The following DNAJB1 variants were observed in gnomAD, a reference collection of about 807,000 sequenced individuals.
The protein encoded by DNAJB1 is dnaJ homolog subfamily B member 1.
Under a neutral mutation model 24.0 loss-of-function variants are expected in DNAJB1, and 14 were observed. The ratio of observed to expected loss-of-function variants is 0.58; its 90% confidence interval spans 0.39 to 0.91. The LOEUF is 0.91. DNAJB1 is among the 40% of genes least tolerant of loss of function. The probability of loss-of-function intolerance (pLI) is 0.00; values close to 1 mark genes in which losing one functional copy is unlikely to be tolerated. For synonymous variants in DNAJB1, 262 were observed against 174.4 expected (o/e 1.50, Z -3.96); for missense variants, 517 against 458.1 (o/e 1.13, Z -1.17).
chr19:14,557,893 C>G (rs1337909661), intron 1 of DNAJB1, among the ~76,000 whole-genome samples: 1 of 151,976 alleles, frequency 6.6e-6, no homozygotes, highest in Non-Finnish European at 1.5e-5. Flanking sequence ...GTAGCTGGGA[C>G]TACAGGCACC....
At chr19:14,529,905 A>C (rs1173640063), upstream of DNAJB1, 4 of 766,506 alleles carry the variant, frequency 5.2e-6, no homozygotes, top group African/African-American at 3.5e-5. Context: ...GTATTTATAA[A>C]TCTGCAACCC....
At chr19:14,560,002 C>T (rs73521844) in intron 1 of DNAJB1, among the ~76,000 whole-genome samples, 1,581 of 152,180 alleles carry the variant, frequency 0.01, 35 homozygotes, top group African/African-American at 0.035. Context: ...GTAGGGGCCC[C>T]TAGGTGCTGC....
chr19:14,545,080 C>A (rs756290137), intron 1 of DNAJB1: 2 of 456,726 alleles, frequency 4.4e-6, no homozygotes, highest in South Asian at 3.1e-5. Context: ...TCTCTGAAGC[C>A]ACATTTGCTC....
chr19:14,517,951 G>T, intron 1 of DNAJB1, 188 bp downstream of exon 1: 1 of 541,346 alleles, frequency 1.8e-6, no homozygotes, highest in Non-Finnish European at 3.0e-6. Context: ...CGAGCGGCTG[G>T]GCCAAGGCTC....
chr19:14,537,016 G>A (rs547238394), intron 1 of DNAJB1, among the ~76,000 whole-genome samples: 1 of 143,744 alleles, frequency 7.0e-6, no homozygotes, highest in East Asian at 2.0e-4. Context: ...TGAGGACGGG[G>A]AGGGGTGTCG....
chr19:14,547,570 T>A (rs1654052911), intron 1 of DNAJB1, among the ~76,000 whole-genome samples: 1 of 152,030 alleles, frequency 6.6e-6, no homozygotes, highest in Admixed American at 6.6e-5. Flanking sequence ...CCATGTTAGC[T>A]AGGATGGTCT....
At chr19:14,557,121 ATTT>A (rs1185398352) in intron 1 of DNAJB1, among the ~76,000 whole-genome samples, 10 of 140,114 alleles carry the variant, frequency 7.1e-5, no homozygotes, top group African/African-American at 2.5e-4. Flanking sequence ...AATCTTATTT[ATTT>A]ATTTATTTAT....
intron 1 of DNAJB1, among the ~76,000 whole-genome samples, chr19:14,535,545 T>A (rs1292602167): frequency 1.9e-3 from 10 of 5,160 alleles, no homozygotes; most frequent in South Asian, 0.01. Flanking sequence ...AAAAAAAAAA[T>A]ATATATATAT....
chr19:14,542,337 A>C, intron 1 of DNAJB1, among the ~76,000 whole-genome samples: 1 of 101,716 alleles, frequency 9.8e-6, no homozygotes, highest in South Asian at 2.9e-4. Flanking sequence ...GGGGGCCCTC[A>C]TGCCATAGTG....
upstream of DNAJB1, among the ~76,000 whole-genome samples, chr19:14,550,349 C>G (rs150601058): frequency 1.2e-3 from 178 of 152,288 alleles, 4 homozygotes; most frequent in South Asian, 0.01. Flanking sequence ...AGTCTAGGCT[C>G]TTTGGCAAGC....
At chr19:14,541,614 AAGGTCG>A (rs1198620829) in intron 1 of DNAJB1, among the ~76,000 whole-genome samples, 1 of 152,106 alleles carries the variant, frequency 6.6e-6, no homozygotes, top group Non-Finnish European at 1.5e-5. Context: ...CCAAGGCCTG[AAGGTCG>A]AGGTCTTTGG....
upstream of DNAJB1, chr19:14,518,560 G>A (rs988887835): frequency 4.8e-5 from 18 of 375,868 alleles, no homozygotes; most frequent in Admixed American, 7.1e-4. Flanking sequence ...CGCCGTCAAC[G>A]GCCGCCCGCG....
chr19:14,522,721 C>CACACAT (rs2072376679), upstream of DNAJB1, among the ~76,000 whole-genome samples: 3 of 151,652 alleles, frequency 2.0e-5, 1 homozygote, highest in African/African-American at 7.3e-5. Flanking sequence ...CACACACACA[C>CACACAT]ACACACACAC....
intron 1 of DNAJB1, among the ~76,000 whole-genome samples, chr19:14,559,255 G>T (rs1046157918): frequency 5.3e-5 from 8 of 152,050 alleles, no homozygotes; most frequent in African/African-American, 1.9e-4. Flanking sequence ...GTGCATCATT[G>T]TGCAGCCTCC....
intron 1 of DNAJB1, among the ~76,000 whole-genome samples, chr19:14,535,577 T>A (rs1409079042): frequency 3.2e-5 from 1 of 31,082 alleles, no homozygotes; most frequent in Non-Finnish European, 7.1e-5. Flanking sequence ...TATATATATA[T>A]ATATATATAT....
intron 1 of DNAJB1, among the ~76,000 whole-genome samples, chr19:14,557,114 C>CTTATTTATTTATTTAT (rs3050003): frequency 0.035 from 4,960 of 140,364 alleles, 119 homozygotes; most frequent in Middle Eastern, 0.049. Flanking sequence ...TTGGTCTAAT[C>CTTATTTATTTATTTAT]TTATTTATTT....
upstream of DNAJB1, among the ~76,000 whole-genome samples, chr19:14,521,539 G>A (rs2146528915): frequency 6.6e-6 from 1 of 152,172 alleles, no homozygotes; most frequent in Admixed American, 6.5e-5. Flanking sequence ...AAACACTGCG[G>A]AAGGGATGTC....
chr19:14,557,462 T>A (rs1318903508), intron 1 of DNAJB1, among the ~76,000 whole-genome samples: 1 of 150,980 alleles, frequency 6.6e-6, no homozygotes, highest in African/African-American at 2.4e-5. Flanking sequence ...ATTCTTTTTT[T>A]AAATTTTGAG....
chr19:14,516,597 G>A lies in DNAJB1; in HGVS notation c.661C>T (p.Pro221Ser). ...TTGGAGGTCTGGTCTCCTTCCTTGGGGAAAGTGATTTTGGTTCCTTCTTTC... is the reference window on the plus strand; with the variant it reads ...TTGGAGGTCTGGTCTCCTTCCTTGGAGAAAGTGATTTTGGTTCCTTCTTTC... ...GWKEGTKITF[P>S]KEGDQTSNNI... The change falls in exon 2 of 3, where the codon CCC becomes TCC. Residue 221 changes from proline to serine, a missense_variant. Pro to Ser is a moderately conservative substitution (Grantham distance 74, BLOSUM62 -1). Coordinates refer to ENST00000254322, the MANE Select transcript of DNAJB1 (RefSeq NM_006145.3). 6.2e-7 allele frequency: 1 copy of A among 1,614,174 alleles called. No individual in the cohort carries two copies. Among genetic ancestry groups the A allele is most frequent in the Non-Finnish European group, 8.5e-7 (1 of 1,180,032 alleles).
Sources: gnomAD v4.1 joint callset for allele counts (sites outside exome capture counted in the v4.1 genomes callset) on GRCh38, gnomAD v4.1.1 for gene constraint, MANE v1.5 for transcripts, NCBI Gene and HGNC (gene_info 2026-07-23, HGNC 2026-07-21) for gene names.